The following UBP1 variants were observed in gnomAD, a reference collection of about 807,000 sequenced individuals.
UBP1 encodes the protein upstream binding protein 1.
A neutral mutation model predicts 76.1 loss-of-function variants in UBP1; 22 were observed. The ratio of observed to expected loss-of-function variants is 0.29; its 90% CI spans 0.21 to 0.41. The LOEUF (loss-of-function observed/expected upper bound fraction) is 0.41, where lower values mean the gene tolerates loss of function less well. Among genes scored for constraint, UBP1 ranks in the 10% least tolerant of loss-of-function variants. The pLI, the probability that UBP1 is intolerant of heterozygous loss-of-function variation, is 1.00. For missense variants in UBP1, 436 were observed against 668.1 expected, an observed-to-expected ratio of 0.65 and a Z score of 3.83; for synonymous variants, 224 against 237.1, an observed-to-expected ratio of 0.94 and a Z score of 0.51.
chr3:33,407,956 A>C (rs2044470939), intron 8 of UBP1, among the ~76,000 whole-genome samples: 1 of 152,232 alleles, frequency 6.6e-6, no homozygotes. Context: ...TCATAAAATA[A>C]AGATTTGCTA....
Position 33,411,969 on chromosome 3 carries a change from C to T in UBP1, c.449-282G>A, listed in dbSNP as rs1256082302. Among the ~76,000 whole-genome samples the T allele has an allele frequency of 3.3e-5, 5 of 151,928 alleles. No homozygotes were observed. In the East Asian group the frequency reaches 9.7e-4, roughly 29 times the overall value. ...TGGGAGGCCAAGGCAGGTGGATAAC[C>T]CGAGGTCAGGAGTTTGAGACCAGCC... On this transcript the variant is annotated intron_variant, in intron 4 of 15. Coordinates refer to ENST00000283629, the MANE Select transcript of UBP1 (RefSeq NM_014517.5).
rs3736563 is a variant in UBP1, at chr3:33,416,774, T to A, written c.326A>T (p.Asn109Ile). Residue 109 changes from asparagine to isoleucine, a missense_variant, in exon 3 of 16, where the codon AAT becomes ATT. By Grantham distance (149) the Asn-to-Ile change is moderately radical (BLOSUM62 -3). Around this residue, in one of 3 missense-constraint regions of UBP1, gnomAD observed 161 missense variants for 237.9 expected, o/e 0.68. Coordinates refer to ENST00000283629, the MANE Select transcript of UBP1 (RefSeq NM_014517.5). The stretch of plus-strand genomic sequence containing the variant: ...TGTCCTTACCTTTACTAATTTTCCA[T>A]TGATCTCAGGCATATCACCCATTTT... ...NRKMGDMPEI[N>I]GKLVKSIIRV... is the part of the protein sequence containing the mutation. The A allele has an allele frequency of 3.1e-6, 5 of 1,612,556 alleles. No homozygotes were observed. The highest frequency in any genetic ancestry group is 3.3e-5 in the Admixed American group (2 of 59,948).
At chr3:33,440,568 G>C (rs1424170844), upstream of UBP1, 1 of 152,428 alleles carries the variant, frequency 6.6e-6, no homozygotes, top group Non-Finnish European at 1.5e-5. Context: ...AGCCGGGGTG[G>C]CCTCGCTGCG....
chr3:33,411,239 A>G (rs1446320795), intron 5 of UBP1, among the ~76,000 whole-genome samples: 1 of 152,232 alleles, frequency 6.6e-6, no homozygotes, highest in Non-Finnish European at 1.5e-5. Flanking sequence ...TAATGCTAGA[A>G]GGAATTTTAA....
chr3:33,438,316 G>A (rs1468994691), intron 1 of UBP1, among the ~76,000 whole-genome samples: 1 of 152,196 alleles, frequency 6.6e-6, no homozygotes, highest in Non-Finnish European at 1.5e-5. Context: ...AAGCAACTGA[G>A]GAGAGACACA....
At chr3:33,393,078 C>T (rs888813345) in intron 14 of UBP1, 6 of 437,912 alleles carry the variant, frequency 1.4e-5, no homozygotes, top group South Asian at 1.1e-4. Context: ...TGATTGGCTG[C>T]ATCCTAAAGG....
intron 1 of UBP1, among the ~76,000 whole-genome samples, chr3:33,433,677 A>G (rs1461370820): frequency 6.6e-6 from 1 of 151,670 alleles, no homozygotes; most frequent in Non-Finnish European, 1.5e-5. Context: ...CTCTACCACC[A>G]AAGGCTGACA....
chr3:33,416,872 A>G, intron 2 of UBP1, 38 bp from the exon 3 acceptor site: 1 of 1,495,918 alleles, frequency 6.7e-7, no homozygotes, highest in Non-Finnish European at 9.3e-7. Context: ...CAATCCTTAT[A>G]AAGAACATCA....
chr3:33,407,585 C>T (rs1575469128), intron 8 of UBP1, among the ~76,000 whole-genome samples: 2 of 148,946 alleles, frequency 1.3e-5, no homozygotes, highest in Admixed American at 1.3e-4. Context: ...GAAAATGTAA[C>T]GTGTGCTTCC....
At chr3:33,432,030 A>G (rs1222255066) in intron 1 of UBP1, among the ~76,000 whole-genome samples, 2 of 152,112 alleles carry the variant, frequency 1.3e-5, no homozygotes, top group African/African-American at 2.4e-5. Flanking sequence ...TTACTCATCC[A>G]AAGAAAGTTA....
chr3:33,436,672 A>C (rs1394062781), intron 1 of UBP1, among the ~76,000 whole-genome samples: 2 of 152,224 alleles, frequency 1.3e-5, no homozygotes, highest in Non-Finnish European at 2.9e-5. Flanking sequence ...TCATACAGTG[A>C]GATGGAAAGA....
intron 2 of UBP1, among the ~76,000 whole-genome samples, chr3:33,417,195 G>T (rs1403614788): frequency 6.6e-6 from 1 of 152,106 alleles, no homozygotes; most frequent in African/African-American, 2.4e-5. Flanking sequence ...TTGGTTTTCA[G>T]TATAGTCAGA....
At chr3:33,403,056 C>A (rs2044290846) in intron 8 of UBP1, 152 bp from the exon 9 acceptor site, 1 of 719,006 alleles carries the variant, frequency 1.4e-6, no homozygotes, top group East Asian at 2.9e-5. Context: ...GTCAAATTTA[C>A]TTCTGTGTGG....
In UBP1 at chr3:33,400,955, T is replaced by C. The variant is rs2044204286; in HGVS notation, c.1086+7A>G. 3 of 1,593,536 alleles carry C rather than the reference T, an allele frequency of 1.9e-6. No individual in the cohort carries two copies. The highest frequency in any genetic ancestry group is 1.2e-5 in the South Asian group (1 of 86,274). ...GCATCAGATAGTTTTAGGAGAAAGATACTTACTTCACCAGAGGTCTGTGAA... is the reference window on the plus strand; with the variant it reads ...GCATCAGATAGTTTTAGGAGAAAGACACTTACTTCACCAGAGGTCTGTGAA... On this transcript the variant is annotated splice_region_variant and intron_variant, in intron 10 of 15. Transcript: ENST00000283629.
chr3:33,412,928 T>A, intron 3 of UBP1, 101 bp from the exon 4 acceptor site: 1 of 722,568 alleles, frequency 1.4e-6, no homozygotes, highest in Non-Finnish European at 2.5e-6. Flanking sequence ...GTAGAACACA[T>A]ACAACTAGAT....
chr3:33,439,703 C>A (rs779092092), intron 1 of UBP1, 33 bp downstream of exon 1: 123 of 1,606,298 alleles, frequency 7.7e-5, no homozygotes, highest in Admixed American at 5.5e-4. Flanking sequence ...CCCAAGGAGA[C>A]AGAGGCTTCT....
Position 33,397,036 on chromosome 3 carries a change from G to A in UBP1, c.1271+9C>T. The A allele has an allele frequency of 1.3e-6, 2 of 1,586,636 alleles. No homozygotes were observed. The highest frequency in any genetic ancestry group is 1.7e-6 in the Non-Finnish European group (2 of 1,166,884). On this transcript the variant is annotated intron_variant, in intron 12 of 15. Transcript: ENST00000283629. ...CTTATTTCAAGCAAAACAGTTCACA[G>A]TATTTTACCTTGACTTCAGTGAATT...
intron 3 of UBP1, among the ~76,000 whole-genome samples, 182 bp from the exon 4 acceptor site, chr3:33,413,009 G>A (rs1473524532): frequency 1.3e-5 from 2 of 152,142 alleles, no homozygotes; most frequent in Non-Finnish European, 2.9e-5. Flanking sequence ...ATTATTTGGT[G>A]CAAAGAATTA....
intron 3 of UBP1, among the ~76,000 whole-genome samples, chr3:33,413,797 C>T (rs992473512): frequency 6.6e-6 from 1 of 152,162 alleles, no homozygotes; most frequent in African/African-American, 2.4e-5. Context: ...CCTGCAGGGC[C>T]TGTCCAAGCA....
Sources: gnomAD v4.1 joint callset for allele counts (sites outside exome capture counted in the v4.1 genomes callset) on GRCh38, gnomAD v4.1.1 for gene constraint, gnomAD v4.1.1 regional missense constraint, MANE v1.5 for transcripts, NCBI Gene and HGNC (gene_info 2026-07-23, HGNC 2026-07-21) for gene names.